The following TBC1D1 variants were observed in gnomAD, a reference collection of about 807,000 sequenced individuals.
The protein encoded by TBC1D1 is TBC1 domain family member 1, also known as TBC1 (tre-2/USP6, BUB2, cdc16) domain family, member 1.
A neutral mutation model predicts 125.6 loss-of-function variants in TBC1D1; 89 were observed. That is an observed-to-expected ratio of 0.71 (90% CI 0.60 to 0.85). The LOEUF (loss-of-function observed/expected upper bound fraction) is 0.85, where lower values mean the gene tolerates loss of function less well. Among genes scored for constraint, TBC1D1 ranks in the 40% least tolerant of loss-of-function variants. The probability of loss-of-function intolerance (pLI) is 0.00; values close to 1 mark genes in which losing one functional copy is unlikely to be tolerated. For missense variants in TBC1D1, 1,377 were observed against 1,469.2 expected (o/e 0.94, Z 1.03); for synonymous variants, 565 against 564.1 (o/e 1.00, Z -0.02).
At chr4:38,072,951 T>TCTTTTTTTTCCGC (rs879381645) in intron 12 of TBC1D1, among the ~76,000 whole-genome samples, 1 of 152,246 alleles carries the variant, frequency 6.6e-6, no homozygotes, top group Non-Finnish European at 1.5e-5. Flanking sequence ...AGGATTTCTC[T>TCTTTTTTTTCCGC]CTTTTTTTTC....
At chr4:37,913,627 G>GTA (rs767328237) in intron 2 of TBC1D1, among the ~76,000 whole-genome samples, 134 of 148,220 alleles carry the variant, frequency 9.0e-4, no homozygotes, top group East Asian at 1.6e-3. Flanking sequence ...ATATATGTGT[G>GTA]TATATATATA....
intron 2 of TBC1D1, among the ~76,000 whole-genome samples, chr4:38,004,143 C>T (rs1739609863): frequency 6.6e-6 from 1 of 152,234 alleles, no homozygotes; most frequent in Non-Finnish European, 1.5e-5. Flanking sequence ...GTCAGCATCA[C>T]ACATTCATAG....
At chr4:38,046,131 G>A (rs1364251504) in intron 10 of TBC1D1, among the ~76,000 whole-genome samples, 1 of 152,116 alleles carries the variant, frequency 6.6e-6, no homozygotes, top group Non-Finnish European at 1.5e-5. Context: ...TTTGAGAGGC[G>A]GACGCGGGCG....
In TBC1D1 at chr4:38,068,965, G is replaced by T. The variant is rs1354080842; in HGVS notation, c.2050+14627G>T. Among the ~76,000 whole-genome samples, 6 of 152,354 alleles carry T rather than the reference G, an allele frequency of 3.9e-5. No individual in the cohort carries two copies. In the East Asian group the frequency reaches 1.2e-3, roughly 29 times the overall value. On this transcript the variant is annotated intron_variant, in intron 12 of 19. Transcript: ENST00000261439. The stretch of plus-strand genomic sequence containing the variant: ...GTTGTACTGTCTCCTGACTAAAGAA[G>T]TAAACTTCAGGCAGTCAAGATTTTC...
At chr4:37,958,193 A>T (rs1199273732) in intron 2 of TBC1D1, among the ~76,000 whole-genome samples, 1 of 151,868 alleles carries the variant, frequency 6.6e-6, no homozygotes, top group Non-Finnish European at 1.5e-5. Context: ...TGTCTAGGAA[A>T]AAAGTATGCT....
intron 4 of TBC1D1, 60 bp from the exon 5 acceptor site, chr4:38,020,531 T>C: frequency 7.3e-7 from 1 of 1,361,422 alleles, no homozygotes; most frequent in Non-Finnish European, 1.0e-6. Flanking sequence ...TTGAGGTGCA[T>C]TTCTGAGGAT....
chr4:38,052,166 ACTGTGTGTGTGT>A, intron 11 of TBC1D1, 106 bp downstream of exon 12: 1 of 881,614 alleles, frequency 1.1e-6, no homozygotes, highest in South Asian at 1.6e-5. Context: ...AAGCAGAGCC[ACTGTGTGTGTGT>A]GTGTGTGTGT....
chr4:37,997,603 A>G (rs1350907502), intron 2 of TBC1D1, among the ~76,000 whole-genome samples: 1 of 152,214 alleles, frequency 6.6e-6, no homozygotes, highest in Non-Finnish European at 1.5e-5. Context: ...TATGATTACA[A>G]AAATACATAT....
At chr4:37,989,147 GTC>G (rs1736043826) in intron 2 of TBC1D1, among the ~76,000 whole-genome samples, 1 of 152,120 alleles carries the variant, frequency 6.6e-6, no homozygotes, top group Admixed American at 6.5e-5. Context: ...TTAACTAAGA[GTC>G]TGGCACATTT....
intron 2 of TBC1D1, among the ~76,000 whole-genome samples, chr4:37,941,583 T>C (rs1306645946): frequency 2.0e-5 from 3 of 152,242 alleles, no homozygotes; most frequent in Non-Finnish European, 4.4e-5. Flanking sequence ...ATGTATTTGC[T>C]CTTGCTTCTC....
At chr4:38,087,887 G>C (rs1325885623) in intron 12 of TBC1D1, among the ~76,000 whole-genome samples, 1 of 146,208 alleles carries the variant, frequency 6.8e-6, no homozygotes, top group Non-Finnish European at 1.5e-5. Flanking sequence ...AGAATATCCA[G>C]GTCAACCCCA....
intron 12 of TBC1D1, among the ~76,000 whole-genome samples, chr4:38,063,887 C>G (rs1164817843): frequency 6.6e-6 from 1 of 152,178 alleles, no homozygotes. Flanking sequence ...CCTCAGCCTC[C>G]CAAAGTGTTG....
intron 12 of TBC1D1, among the ~76,000 whole-genome samples, chr4:38,087,845 C>CAAAAA (rs1215951890): frequency 2.9e-5 from 2 of 67,878 alleles, no homozygotes; most frequent in East Asian, 3.4e-4. Flanking sequence ...GATTCCGTCT[C>CAAAAA]AAAAAAAAAA....
chr4:38,117,273 C>G (rs1041130241), intron 16 of TBC1D1, among the ~76,000 whole-genome samples: 2 of 151,946 alleles, frequency 1.3e-5, no homozygotes, highest in East Asian at 1.9e-4. Flanking sequence ...GGATTCTGAC[C>G]CTCTGTAGGT....
intron 8 of TBC1D1, among the ~76,000 whole-genome samples, chr4:38,038,759 AAC>A (rs528494303): frequency 6.0e-4 from 91 of 152,212 alleles, no homozygotes; most frequent in African/African-American, 1.8e-3. Flanking sequence ...CATCCTGGCT[AAC>A]ACAGTGAAAG....
chr4:37,986,153 A>G (rs1013620422), intron 2 of TBC1D1, among the ~76,000 whole-genome samples: 3 of 152,174 alleles, frequency 2.0e-5, no homozygotes, highest in Admixed American at 6.5e-5. Flanking sequence ...TGGTCATTCT[A>G]GTAGGATTTA....
At chr4:37,922,828 C>T (rs553050857) in intron 2 of TBC1D1, among the ~76,000 whole-genome samples, 38 of 152,202 alleles carry the variant, frequency 2.5e-4, no homozygotes, top group Middle Eastern at 3.4e-3. Context: ...GGCTTGTGAT[C>T]CAAACCAGGC....
At chr4:38,109,489 CT>C (rs1761887721) in intron 15 of TBC1D1, among the ~76,000 whole-genome samples, 1 of 152,180 alleles carries the variant, frequency 6.6e-6, no homozygotes, top group Non-Finnish European at 1.5e-5. Flanking sequence ...TAATAACCAG[CT>C]CCTCTCACCC....
intron 2 of TBC1D1, among the ~76,000 whole-genome samples, chr4:37,905,941 G>T (rs1273064246): frequency 6.6e-6 from 1 of 152,130 alleles, no homozygotes; most frequent in Non-Finnish European, 1.5e-5. Flanking sequence ...TGAGGGCAAT[G>T]GTTTTGGCAC....
Sources: allele counts gnomAD v4.1 joint callset (sites outside exome capture counted in the v4.1 genomes callset), GRCh38; gene constraint gnomAD v4.1.1; transcripts MANE v1.5; gene names NCBI Gene and HGNC (gene_info 2026-07-23, HGNC 2026-07-21).